The following CNKSR2 variants were observed in gnomAD, a reference collection of about 807,000 sequenced individuals.
The protein encoded by CNKSR2 is connector enhancer of kinase suppressor of Ras 2, also known as CNK homolog protein 2.
CNKSR2 carries 14 observed loss-of-function variants against 84.4 expected under a neutral mutation model. That is an observed-to-expected ratio of 0.17 (90% confidence interval 0.11 to 0.26). The LOEUF (loss-of-function observed/expected upper bound fraction) is 0.26, where lower values mean the gene tolerates loss of function less well. Among genes scored for constraint, CNKSR2 ranks in the 10% least tolerant of loss-of-function variants. CNKSR2 has a pLI of 1.00. For missense variants in CNKSR2, 485 were observed against 771.2 expected, an observed-to-expected ratio of 0.63 and a Z score of 4.40; for synonymous variants, 275 against 277.9, an observed-to-expected ratio of 0.99 and a Z score of 0.10.
intron 2 of CNKSR2, among the ~76,000 whole-genome samples, chrX:21,430,148 G>C (rs867585905): frequency 1.5e-4 from 17 of 110,658 alleles, no homozygotes; most frequent in African/African-American, 5.6e-4. Flanking sequence ...TTTTTCCTCT[G>C]CATTTCTCTG....
chrX:21,383,981 T>C (rs2089934805), intron 1 of CNKSR2, among the ~76,000 whole-genome samples: 1 of 112,250 alleles, frequency 8.9e-6, no homozygotes. Context: ...TGTTTTAATT[T>C]TGGTGTGTTT....
intron 13 of CNKSR2, among the ~76,000 whole-genome samples, chrX:21,563,809 T>G (rs2092214244): frequency 9.0e-6 from 1 of 111,686 alleles, no homozygotes; most frequent in East Asian, 2.8e-4. Flanking sequence ...TGATTCCATT[T>G]AAAAATGACC....
rs1243939627 is a variant in CNKSR2 at position 21,374,484 on chromosome X, T to G, written c.-414T>G. The G allele has an allele frequency of 2.8e-5, 10 of 351,773 alleles. No individual in the cohort carries two copies. The highest frequency in any genetic ancestry group is 4.5e-5 in the Non-Finnish European group (9 of 200,546). 29.0% of individuals were successfully genotyped at this position (351,773 alleles called of 1,213,427 possible). On this transcript the variant is annotated 5_prime_UTR_variant, in exon 1 of 22. Coordinates refer to ENST00000379510, the MANE Select transcript of CNKSR2 (RefSeq NM_014927.5). ...CCCGCGCGTGAGGCGAGCGGGCAAGTTGGCTGAGGGCGTGCGGCAGAGGCT... is the reference window on the plus strand; with the variant it reads ...CCCGCGCGTGAGGCGAGCGGGCAAGGTGGCTGAGGGCGTGCGGCAGAGGCT...
intron 2 of CNKSR2, chrX:21,427,164 C>T (rs760495178): frequency 8.7e-6 from 1 of 114,481 alleles, no homozygotes; most frequent in African/African-American, 3.2e-5. Flanking sequence ...GAGCTTTAAT[C>T]CCTGTACAGT....
intron 4 of CNKSR2, among the ~76,000 whole-genome samples, chrX:21,463,743 A>G (rs974468384): frequency 3.6e-5 from 4 of 111,023 alleles, no homozygotes; most frequent in Non-Finnish European, 7.5e-5. Context: ...AGAAATGTCT[A>G]TCAGGAGCTA....
chrX:21,451,864 TAAAA>T (rs1472110094), intron 4 of CNKSR2, among the ~76,000 whole-genome samples: 2 of 110,607 alleles, frequency 1.8e-5, no homozygotes, highest in South Asian at 7.7e-4. Context: ...TAAAATAAAA[TAAAA>T]AGAAAGCATA....
chrX:21,589,026 A>G (rs1255944052), intron 13 of CNKSR2, among the ~76,000 whole-genome samples: 2 of 112,630 alleles, frequency 1.8e-5, no homozygotes, highest in African/African-American at 6.4e-5. Flanking sequence ...CATTCAAGAA[A>G]ATCAACACAG....
chrX:21,451,705 G>A, intron 4 of CNKSR2, among the ~76,000 whole-genome samples: 1 of 70,921 alleles, frequency 1.4e-5, no homozygotes, highest in Non-Finnish European at 2.6e-5. Flanking sequence ...TTGTGGGGTG[G>A]GGGGAGGGGG....
chrX:21,646,608 T>C (rs990029179), intron 20 of CNKSR2, among the ~76,000 whole-genome samples: 7 of 111,675 alleles, frequency 6.3e-5, no homozygotes, highest in African/African-American at 2.3e-4. Context: ...AAAATTACTA[T>C]GTAAAAATAC....
intron 1 of CNKSR2, among the ~76,000 whole-genome samples, chrX:21,399,464 A>G (rs976115081): frequency 1.3e-4 from 14 of 111,843 alleles, no homozygotes; most frequent in African/African-American, 3.9e-4. Flanking sequence ...TTTACTAATT[A>G]TAACAGTGCT....
At chrX:21,423,001 A>T (rs1336812678) in intron 1 of CNKSR2, among the ~76,000 whole-genome samples, 7 of 111,352 alleles carry the variant, frequency 6.3e-5, no homozygotes, top group Non-Finnish European at 1.3e-4. Context: ...ATGACTAACC[A>T]TATTTTCCTC....
At chrX:21,509,632 T>C (rs191199647) in intron 8 of CNKSR2, among the ~76,000 whole-genome samples, 9 of 111,921 alleles carry the variant, frequency 8.0e-5, no homozygotes, top group African/African-American at 2.6e-4. Context: ...TGACTAATTC[T>C]TTATTTCTGT....
At chrX:21,574,185 G>C (rs1175238493) in intron 13 of CNKSR2, among the ~76,000 whole-genome samples, 1 of 111,519 alleles carries the variant, frequency 9.0e-6, no homozygotes, top group Non-Finnish European at 1.9e-5. Flanking sequence ...TCAGCATTTT[G>C]GTCAAAGCCA....
At chrX:21,581,532 A>G (rs1308147876) in intron 13 of CNKSR2, among the ~76,000 whole-genome samples, 1 of 112,057 alleles carries the variant, frequency 8.9e-6, no homozygotes, top group Non-Finnish European at 1.9e-5. Context: ...GGGAGACAAG[A>G]TAGGATCTGG....
chrX:21,459,451 A>G (rs1436339782), intron 4 of CNKSR2, among the ~76,000 whole-genome samples: 2 of 110,996 alleles, frequency 1.8e-5, no homozygotes, highest in African/African-American at 3.3e-5. Flanking sequence ...TCCCTTTAAT[A>G]TCACACTTCA....
intron 20 of CNKSR2, among the ~76,000 whole-genome samples, chrX:21,646,783 T>C (rs1400911586): frequency 9.0e-6 from 1 of 111,683 alleles, no homozygotes; most frequent in Admixed American, 9.5e-5. Context: ...CTCTATGAAA[T>C]TACATCTGGC....
At chrX:21,559,923 G>A (rs1046094744) in intron 11 of CNKSR2, among the ~76,000 whole-genome samples, 2 of 111,635 alleles carry the variant, frequency 1.8e-5, no homozygotes, top group Non-Finnish European at 3.8e-5. Context: ...AGACTAAACT[G>A]TATCAGTGTT....
chrX:21,633,384 T>TA (rs1203898664), intron 20 of CNKSR2, among the ~76,000 whole-genome samples: 1 of 112,399 alleles, frequency 8.9e-6, no homozygotes, highest in Non-Finnish European at 1.9e-5. Context: ...TTTTAAAATA[T>TA]ATTATGAATA....
intron 9 of CNKSR2, among the ~76,000 whole-genome samples, chrX:21,519,236 A>G (rs2091758369): frequency 9.0e-6 from 1 of 111,287 alleles, no homozygotes; most frequent in South Asian, 3.7e-4. Context: ...GACACCTGAA[A>G]GCATAATGAA....
Sources: gnomAD v4.1 joint callset for allele counts (sites outside exome capture counted in the v4.1 genomes callset) on GRCh38, gnomAD v4.1.1 for gene constraint, MANE v1.5 for transcripts, NCBI Gene and HGNC (gene_info 2026-07-23, HGNC 2026-07-21) for gene names.